Variants in SYNE1 observed in about 807,000 individuals in gnomAD.
SYNE1 encodes nesprin-1.
In SYNE1, 616 loss-of-function variants were observed where a neutral mutation model predicts 1,111.0. The ratio of observed to expected loss-of-function variants is 0.55; its 90% CI spans 0.52 to 0.59. The LOEUF is 0.59. Among genes scored for constraint, SYNE1 ranks in the 20% least tolerant of loss-of-function variants. The pLI, the probability that SYNE1 is intolerant of heterozygous loss-of-function variation, is 0.00. For missense variants in SYNE1, 10,006 were observed against 10,417.0 expected (o/e 0.96, Z 1.72); for synonymous variants, 3,855 against 3,825.8 (o/e 1.01, Z -0.28).
intron 102 of SYNE1, 98 bp downstream of exon 102, chr6:152,256,536 G>C: frequency 1.3e-6 from 2 of 1,528,028 alleles, no homozygotes; most frequent in South Asian, 2.3e-5. Flanking sequence ...CTCATGCTCA[G>C]GGGTGGATGC....
Position 152,309,824 on chromosome 6 carries a change from C to G in SYNE1, c.17202+11G>C. On this transcript the variant is annotated intron_variant, in intron 90 of 145. Coordinates refer to ENST00000367255, the MANE Select transcript of SYNE1 (RefSeq NM_182961.4). ...GCAATTGCTCTACTGGTGTGGGTAC[C>G]CTGCACCTGCCTGCATGATGTTACA... The G allele has an allele frequency of 6.2e-7, 1 of 1,613,340 alleles. No individual in the cohort carries two copies. Among genetic ancestry groups the G allele is most frequent in the South Asian group, 1.1e-5 (1 of 91,042 alleles).
chr6:152,577,916 A>G (rs2099505330), intron 3 of SYNE1, among the ~76,000 whole-genome samples: 1 of 152,136 alleles, frequency 6.6e-6, no homozygotes, highest in Admixed American at 6.5e-5. Context: ...ACCAGAAGCA[A>G]ATGTTTCTTG....
chr6:152,321,884 A>G lies in SYNE1; in HGVS notation c.15920T>C (p.Met5307Thr), dbSNP rs1304013367. ...ITAMQDRCLN[M>T]QEKVKTNGKL... Reference sequence around the variant, plus strand: ...TCCATTAGTCTTCACTTTCTCCTGCATGCTTCAGAAACATTACAGGGATAA... The same window carrying G: ...TCCATTAGTCTTCACTTTCTCCTGCGTGCTTCAGAAACATTACAGGGATAA... Residue 5307 changes from methionine to threonine, a missense_variant and splice_region_variant, in exon 83 of 146, where the codon ATG becomes ACG. This residue lies in a region of SYNE1 where 4,955 missense variants were observed against 5,017.2 expected (regional missense o/e 0.99). Coordinates refer to ENST00000367255, the MANE Select transcript of SYNE1 (RefSeq NM_182961.4). 6.2e-7 allele frequency: 1 copy of G among 1,614,072 alleles called. No individual in the cohort carries two copies. Among genetic ancestry groups the G allele is most frequent in the Non-Finnish European group, 8.5e-7 (1 of 1,179,976 alleles).
intron 138 of SYNE1, among the ~76,000 whole-genome samples, chr6:152,143,129 C>T (rs941599324): frequency 1.3e-5 from 2 of 152,156 alleles, no homozygotes; most frequent in Non-Finnish European, 2.9e-5. Flanking sequence ...ATCTTTTCCC[C>T]AAATCCCTCT....
intron 2 of SYNE1, 30 bp from the exon 3 acceptor site, chr6:152,628,584 TA>T (rs200005134): frequency 3.6e-3 from 1,669 of 464,816 alleles, no homozygotes; most frequent in Middle Eastern, 6.4e-3. Context: ...AGGTACAACA[TA>T]AAAAAAAAAT....
chr6:152,417,521 C>CAAACAAACAAACAAAAA (rs139258214), intron 40 of SYNE1, among the ~76,000 whole-genome samples: 1 of 151,644 alleles, frequency 6.6e-6, no homozygotes, highest in African/African-American at 2.4e-5. Context: ...AACAAACAAA[C>CAAACAAACAAACAAAAA]AAACACAACT....
At chr6:152,508,447 A>G (rs1412878473) in intron 8 of SYNE1, among the ~76,000 whole-genome samples, 2 of 152,214 alleles carry the variant, frequency 1.3e-5, no homozygotes, top group African/African-American at 4.8e-5. Context: ...TTGAAACCCA[A>G]CATAGCATGC....
At chr6:152,289,828 A>T (rs148552603) in intron 95 of SYNE1, among the ~76,000 whole-genome samples, 5 of 151,284 alleles carry the variant, frequency 3.3e-5, no homozygotes, top group Non-Finnish European at 5.9e-5. Flanking sequence ...GGGTTTCACC[A>T]TGTTAGCCAG....
rs186592570 is a variant in SYNE1 at position 152,171,280 on chromosome 6, G to A, written c.23627+5114C>T. ...TGAAGCAGAATCACGCTATGACTCA[G>A]GCAGCTGAAGCCCGAAGCCAATGCT... On this transcript the variant is annotated intron_variant, in intron 130 of 145. Transcript: ENST00000367255. Among the ~76,000 whole-genome samples, 10 of 152,314 alleles carry A rather than the reference G, an allele frequency of 6.6e-5. No individual in the cohort carries two copies. The East Asian group carries it at 1.7e-3, about 26-fold the overall frequency.
At chr6:152,533,566 C>A (rs75964806) in intron 4 of SYNE1, among the ~76,000 whole-genome samples, 2 of 152,056 alleles carry the variant, frequency 1.3e-5, no homozygotes, top group Non-Finnish European at 2.9e-5. Flanking sequence ...TATCCAACCA[C>A]CTCTCATCAC....
intron 121 of SYNE1, among the ~76,000 whole-genome samples, chr6:152,217,562 A>G (rs2079048251): frequency 6.6e-6 from 1 of 152,150 alleles, no homozygotes; most frequent in Non-Finnish European, 1.5e-5. Context: ...TCTGACAGCC[A>G]GGAGGAGGGG....
chr6:152,240,975 T>C (rs1294729308), intron 107 of SYNE1, among the ~76,000 whole-genome samples: 1 of 152,232 alleles, frequency 6.6e-6, no homozygotes, highest in African/African-American at 2.4e-5. Context: ...TTGAAGTTCA[T>C]CTAGCCCAAC....
intron 106 of SYNE1, among the ~76,000 whole-genome samples, chr6:152,244,078 T>C (rs1208824630): frequency 2.0e-5 from 3 of 152,188 alleles, no homozygotes; most frequent in Non-Finnish European, 4.4e-5. Context: ...CATTCAAACA[T>C]ATATGGAGGA....
chr6:152,288,133 T>G (rs1194337363), intron 95 of SYNE1, among the ~76,000 whole-genome samples: 1 of 152,136 alleles, frequency 6.6e-6, no homozygotes, highest in Admixed American at 6.5e-5. Context: ...TTTGTTTTTT[T>G]TTTTTTACAC....
chr6:152,339,866 G>T (rs1269361689), intron 74 of SYNE1, among the ~76,000 whole-genome samples: 1 of 152,158 alleles, frequency 6.6e-6, no homozygotes, highest in Non-Finnish European at 1.5e-5. Context: ...CCCAAGAAAG[G>T]CTTCTCCAGG....
intron 96 of SYNE1, among the ~76,000 whole-genome samples, chr6:152,283,340 C>T (rs1322504525): frequency 6.6e-6 from 1 of 152,174 alleles, no homozygotes; most frequent in Non-Finnish European, 1.5e-5. Context: ...CCATCAAATG[C>T]TGTCGTGTAA....
rs539404138 is a variant in SYNE1 at position 152,346,727 on chromosome 6, G to A, written c.12078+332C>T. Among the ~76,000 whole-genome samples the A allele has an allele frequency of 6.8e-4, 104 of 152,106 alleles. 2 individuals carry two copies. The highest frequency in any genetic ancestry group is 6.0e-3 in the Admixed American group (92 of 15,272). ...CGGGAGGCTGAAGTAGGAGAATGGC[G>A]TGAACCTGGGAGGCGGAGCTTGCAG... On this transcript the variant is annotated intron_variant, in intron 73 of 145. Transcript: ENST00000367255.
intron 76 of SYNE1, chr6:152,335,691 T>C (rs1310185224): frequency 6.6e-6 from 1 of 152,102 alleles, no homozygotes; most frequent in Non-Finnish European, 1.5e-5. Context: ...TATAATTTTC[T>C]TTTTTCCCTT....
At position 152,358,549 on chromosome 6, in the gene SYNE1, A is replaced by G; in HGVS notation, c.10444-12T>C. The stretch of plus-strand genomic sequence containing the variant: ...TTGGTTACGGCTTCCTATAATTAGC[A>G]TTTAAAATAATGAAGTTAGGAACAC... On this transcript the variant is annotated splice_polypyrimidine_tract_variant and intron_variant, in intron 65 of 145. Coordinates refer to ENST00000367255, the MANE Select transcript of SYNE1 (RefSeq NM_182961.4). 1 of 1,614,042 alleles carries G rather than the reference A, an allele frequency of 6.2e-7. No homozygotes were observed. Among genetic ancestry groups the G allele is most frequent in the Non-Finnish European group, 8.5e-7 (1 of 1,179,892 alleles).
Sources: allele counts gnomAD v4.1 joint callset (sites outside exome capture counted in the v4.1 genomes callset), GRCh38; gene constraint gnomAD v4.1.1; regional missense constraint gnomAD v4.1.1; transcripts MANE v1.5; gene names NCBI Gene and HGNC (gene_info 2026-07-23, HGNC 2026-07-21).